COPG2: variants seen among roughly 807,000 people sequenced by gnomAD.
The protein encoded by COPG2 is coat protein complex I subunit gamma 2.
COPG2 carries 37 observed loss-of-function variants against 46.3 expected under a neutral mutation model. That is an observed-to-expected ratio of 0.80 (90% CI 0.61 to 1.05). COPG2 has a LOEUF of 1.05. Ranked by LOEUF, COPG2 falls within the 50% of genes least tolerant of loss-of-function variation. COPG2 has a pLI of 0.00. For missense variants in COPG2, 427 were observed against 387.8 expected, an observed-to-expected ratio of 1.10 and a Z score of -0.85; for synonymous variants, 159 against 129.7, an observed-to-expected ratio of 1.23 and a Z score of -1.53.
chr7:130,582,426 C>A (rs1371354692), intron 9 of COPG2, among the ~76,000 whole-genome samples: 1 of 151,108 alleles, frequency 6.6e-6, no homozygotes. Flanking sequence ...CCATTCAGGA[C>A]ATAGGCATGG....
At position 130,593,608 on chromosome 7, in the gene COPG2, T is replaced by C. The variant is rs367715972; in HGVS notation, c.737+17345A>G. Among the ~76,000 whole-genome samples, 19 of 152,068 alleles carry C rather than the reference T, an allele frequency of 1.2e-4. No individual in the cohort carries two copies. In the East Asian group the frequency reaches 1.3e-3, roughly 11 times the overall value. ...GCAGTGGTGAATATGAGTCCAGAAA[T>C]AGACCAATCCACATAAAGACACCTG... On this transcript the variant is annotated intron_variant, in intron 9 of 23. Transcript: ENST00000425248.
intron 9 of COPG2, among the ~76,000 whole-genome samples, chr7:130,597,972 A>T (rs1794562259): frequency 6.6e-6 from 1 of 152,156 alleles, no homozygotes; most frequent in South Asian, 2.1e-4. Flanking sequence ...GGCTGAAAGG[A>T]CTCAGCATGG....
Position 130,663,027 on chromosome 7 carries a change from A to C in COPG2, c.183T>G (p.Phe61Leu). 6.5e-7 allele frequency: 1 copy of C among 1,540,400 alleles called. No homozygotes were observed. The highest frequency in any genetic ancestry group is 2.4e-5 in the East Asian group (1 of 42,392). Residue 61 changes from phenylalanine to leucine, a missense_variant, in exon 4 of 24, where the codon TTT (phenylalanine) becomes TTG (leucine). Coordinates refer to ENST00000425248, the MANE Select transcript of COPG2 (RefSeq NM_012133.6). ...AGGCTTCTGTAGCTTCCGTTGTTCC[A>C]AAGTGTTCACCCTAAGTAAAATTTA... ...ILYLLNQGEHFGTTEATEAFF... is the reference protein window; with the variant it reads ...ILYLLNQGEHLGTTEATEAFF...
At chr7:130,662,054 C>T (rs782331211) in intron 4 of COPG2, among the ~76,000 whole-genome samples, 1 of 152,146 alleles carries the variant, frequency 6.6e-6, no homozygotes, top group African/African-American at 2.4e-5. Flanking sequence ...GATATATGGA[C>T]AGACTCTGAT....
intron 9 of COPG2, among the ~76,000 whole-genome samples, chr7:130,569,895 T>A (rs1316693677): frequency 6.6e-6 from 1 of 152,090 alleles, no homozygotes; most frequent in Non-Finnish European, 1.5e-5. Context: ...GCAGGGATGG[T>A]TTAACATACG....
At chr7:130,601,509 T>C (rs1187343817) in intron 9 of COPG2, among the ~76,000 whole-genome samples, 1 of 152,200 alleles carries the variant, frequency 6.6e-6, no homozygotes, top group Non-Finnish European at 1.5e-5. Context: ...TCATGTCCTT[T>C]GCAGGGACAC....
intron 11 of COPG2, among the ~76,000 whole-genome samples, chr7:130,562,229 G>C (rs939892122): frequency 2.6e-5 from 4 of 152,274 alleles, no homozygotes; most frequent in Non-Finnish European, 5.9e-5. Flanking sequence ...CGTGGTGGCA[G>C]GTGCCTGTGA....
intron 5 of COPG2, among the ~76,000 whole-genome samples, chr7:130,625,884 ATTCC>A (rs1253629207): frequency 6.6e-6 from 1 of 151,714 alleles, no homozygotes; most frequent in East Asian, 1.9e-4. Flanking sequence ...TTCACTTTTT[ATTCC>A]TTCCTTTTCA....
intron 9 of COPG2, among the ~76,000 whole-genome samples, chr7:130,591,284 C>T (rs1389849256): frequency 4.2e-5 from 5 of 117,664 alleles, no homozygotes; most frequent in African/African-American, 6.6e-5. Context: ...GTCAGCCCCC[C>T]GCCCGGCCAG....
At chr7:130,658,308 A>G (rs544332590) in intron 4 of COPG2, among the ~76,000 whole-genome samples, 22 of 152,334 alleles carry the variant, frequency 1.4e-4, no homozygotes, top group Non-Finnish European at 2.5e-4. Context: ...ATACAGTATG[A>G]TATCATTCAT....
chr7:130,605,863 C>A (rs1451228942), intron 9 of COPG2: 4 of 463,206 alleles, frequency 8.6e-6, no homozygotes, highest in African/African-American at 6.0e-5. Context: ...TAAGCCATTA[C>A]ATTTAATGGT....
At chr7:130,638,862 G>A (rs11762156) in intron 5 of COPG2, among the ~76,000 whole-genome samples, 29,445 of 152,192 alleles carry the variant, frequency 0.19, 3,038 homozygotes, top group Middle Eastern at 0.25. Context: ...TGGTGGCGTA[G>A]GCACCAGAGG....
chr7:130,592,643 C>T lies in COPG2; in HGVS notation c.737+18310G>A, dbSNP rs182176552. On this transcript the variant is annotated intron_variant, in intron 9 of 23. Transcript: ENST00000425248. ...TCTTTTTTAAAAAATATAGCAAACACGCCAGACTTTTCATCATGCCAAGGG... is the reference window on the plus strand; with the variant it reads ...TCTTTTTTAAAAAATATAGCAAACATGCCAGACTTTTCATCATGCCAAGGG... 3.1e-3 allele frequency among the ~76,000 whole-genome samples: 472 copies of T among 152,176 alleles called. 3 individuals are homozygous for T. In the East Asian group the frequency reaches 0.037, roughly 12 times the overall value.
At chr7:130,506,845 A>C (rs782723227) in intron 23 of COPG2, 39 bp from the exon 24 acceptor site, 5 of 754,994 alleles carry the variant, frequency 6.6e-6, no homozygotes, top group Middle Eastern at 2.3e-4. Flanking sequence ...TTAAGAACCC[A>C]AAACAAGCAC....
chr7:130,645,081 A>G (rs573728009), intron 5 of COPG2: 76 of 378,094 alleles, frequency 2.0e-4, no homozygotes, highest in African/African-American at 4.3e-4. Flanking sequence ...AAAAAAAAAA[A>G]AAAAGAAAAG....
chr7:130,593,536 T>C (rs1375101213), intron 9 of COPG2, among the ~76,000 whole-genome samples: 1 of 152,150 alleles, frequency 6.6e-6, no homozygotes, highest in Non-Finnish European at 1.5e-5. Context: ...TAAAGAAAGC[T>C]ATTATAATAA....
intron 12 of COPG2, among the ~76,000 whole-genome samples, chr7:130,555,432 G>C (rs1793605469): frequency 6.6e-6 from 1 of 152,158 alleles, no homozygotes; most frequent in Non-Finnish European, 1.5e-5. Context: ...GAACCATAAA[G>C]ATAAAAAGCT....
intron 4 of COPG2, among the ~76,000 whole-genome samples, chr7:130,660,370 T>C (rs75358396): frequency 0.014 from 2,103 of 152,278 alleles, 23 homozygotes; most frequent in Middle Eastern, 0.054. Flanking sequence ...AAATCCCCTA[T>C]ATTCTCAAAC....
chr7:130,551,455 A>C (rs1793533711), intron 15 of COPG2, 111 bp from the exon 16 acceptor site: 1 of 393,154 alleles, frequency 2.5e-6, no homozygotes, highest in Non-Finnish European at 4.5e-6. Flanking sequence ...CTACCTTTAA[A>C]AAAGTGCTCA....
Sources: allele counts gnomAD v4.1 joint callset (sites outside exome capture counted in the v4.1 genomes callset), GRCh38; gene constraint gnomAD v4.1.1; transcripts MANE v1.5; gene names NCBI Gene and HGNC (gene_info 2026-07-23, HGNC 2026-07-21).